Variants in SPOCK1 observed in about 807,000 individuals in gnomAD.
The protein encoded by SPOCK1 is testican-1.
A neutral mutation model predicts 55.3 loss-of-function variants in SPOCK1; 23 were observed. The observed-to-expected ratio is 0.42, with a 90% CI of 0.30 to 0.59. SPOCK1 has a LOEUF of 0.59. SPOCK1 is among the 20% of genes least tolerant of loss of function. SPOCK1 has a pLI of 0.22. For missense variants in SPOCK1, 499 were observed against 552.5 expected, an observed-to-expected ratio of 0.90 and a Z score of 0.97; for synonymous variants, 226 against 221.0, an observed-to-expected ratio of 1.02 and a Z score of -0.20.
At chr5:137,258,437 G>A (rs1756680557) in intron 3 of SPOCK1, among the ~76,000 whole-genome samples, 1 of 152,242 alleles carries the variant, frequency 6.6e-6, no homozygotes, top group Non-Finnish European at 1.5e-5. Flanking sequence ...GGACGCAGGT[G>A]ATGCCTGCAG....
chr5:137,023,698 A>G (rs1303269813), intron 6 of SPOCK1, among the ~76,000 whole-genome samples: 2 of 151,674 alleles, frequency 1.3e-5, no homozygotes, highest in African/African-American at 4.8e-5. Context: ...CATGTTCGAT[A>G]CCCTAATTAT....
intron 2 of SPOCK1, among the ~76,000 whole-genome samples, chr5:137,356,147 T>C (rs1750789050): frequency 6.6e-6 from 1 of 152,214 alleles, no homozygotes; most frequent in Non-Finnish European, 1.5e-5. Flanking sequence ...ACACCTGCTC[T>C]GCCTCATCAG....
intron 3 of SPOCK1, among the ~76,000 whole-genome samples, chr5:137,141,964 T>C (rs1459301896): frequency 3.3e-5 from 5 of 152,340 alleles, no homozygotes; most frequent in Non-Finnish European, 5.9e-5. Context: ...GCGCTCTGCG[T>C]GCTGAGGTGC....
chr5:137,076,746 A>G (rs1005358847), intron 5 of SPOCK1, among the ~76,000 whole-genome samples: 2 of 151,946 alleles, frequency 1.3e-5, no homozygotes, highest in Non-Finnish European at 2.9e-5. Flanking sequence ...TCTGTGTCTT[A>G]TACATTTTTT....
At chr5:137,148,548 T>C (rs6878864) in intron 3 of SPOCK1, among the ~76,000 whole-genome samples, 136,360 of 152,138 alleles carry the variant, frequency 0.9, 61,182 homozygotes, top group African/African-American at 0.93. Context: ...TTTGAAAGTG[T>C]GATGGGAGTG....
chr5:137,297,774 G>A (rs929839240), intron 2 of SPOCK1, among the ~76,000 whole-genome samples: 1 of 152,158 alleles, frequency 6.6e-6, no homozygotes, highest in Admixed American at 6.5e-5. Flanking sequence ...AGATCTAGGA[G>A]GTCAGTGAAT....
rs1380787945 is a variant in SPOCK1, at chr5:137,024,445, C to T, written c.590-31845G>A. On this transcript the variant is annotated intron_variant, in intron 6 of 10. Coordinates refer to ENST00000394945, the MANE Select transcript of SPOCK1 (RefSeq NM_004598.4). ...TTTTCAGAATAAAAGGAGCACCAAC[C>T]TTTGACCTATTGAAATATTTAAAGT... Among the ~76,000 whole-genome samples, 4 of 151,962 alleles carry T rather than the reference C, an allele frequency of 2.6e-5. No individual in the cohort carries two copies. In the East Asian group the frequency reaches 7.7e-4, roughly 29 times the overall value.
intron 6 of SPOCK1, among the ~76,000 whole-genome samples, chr5:137,049,061 G>T (rs1398748997): frequency 1.4e-5 from 2 of 139,698 alleles, no homozygotes; most frequent in East Asian, 4.5e-4. Context: ...TTTCTCTCTG[G>T]CTGCCCTTAA....
intron 2 of SPOCK1, among the ~76,000 whole-genome samples, chr5:137,479,866 C>T (rs964239170): frequency 1.3e-5 from 2 of 152,146 alleles, no homozygotes; most frequent in African/African-American, 2.4e-5. Flanking sequence ...AGAGGTTGAC[C>T]TGGATTCAAA....
At chr5:137,312,035 C>T (rs1757796853) in intron 2 of SPOCK1, among the ~76,000 whole-genome samples, 1 of 152,346 alleles carries the variant, frequency 6.6e-6, no homozygotes, top group Non-Finnish European at 1.5e-5. Context: ...AAATCAGGTA[C>T]CCAGGTATTT....
intron 3 of SPOCK1, among the ~76,000 whole-genome samples, chr5:137,229,305 A>G (rs1756005240): frequency 6.6e-6 from 1 of 152,204 alleles, no homozygotes; most frequent in African/African-American, 2.4e-5. Context: ...AGGAAACTCA[A>G]TGTGAACTAG....
intron 2 of SPOCK1, among the ~76,000 whole-genome samples, chr5:137,448,306 G>A (rs1753173398): frequency 6.6e-6 from 1 of 152,120 alleles, no homozygotes; most frequent in Admixed American, 6.5e-5. Context: ...ATCTCAGTAA[G>A]AACCACACCT....
Position 136,992,618 on chromosome 5 carries a change from G to T in SPOCK1, c.590-18C>A. ...TGTGCAGGCTAGAGAAAAGCAAACA[G>T]AACAGACAATGGGGCTGGGGGCTTT... On this transcript the variant is annotated intron_variant, in intron 6 of 10. Transcript: ENST00000394945. The T allele has an allele frequency of 6.3e-7, 1 of 1,599,644 alleles. No homozygotes were observed. Among genetic ancestry groups the T allele is most frequent in the Non-Finnish European group, 8.5e-7 (1 of 1,170,756 alleles).
At chr5:137,347,809 C>T (rs897664468) in intron 2 of SPOCK1, among the ~76,000 whole-genome samples, 7 of 152,124 alleles carry the variant, frequency 4.6e-5, no homozygotes, top group African/African-American at 1.7e-4. Flanking sequence ...AGCCACGCCT[C>T]CTCTGGCACA....
chr5:137,495,088 G>A (rs974362853), intron 2 of SPOCK1, among the ~76,000 whole-genome samples: 2 of 152,176 alleles, frequency 1.3e-5, no homozygotes, highest in African/African-American at 2.4e-5. Context: ...AAAGAAGAAT[G>A]ACAAAACTAA....
In SPOCK1 at chr5:137,306,821, G is replaced by A. The variant is rs139594082; in HGVS notation, c.187-39766C>T. On this transcript the variant is annotated intron_variant, in intron 2 of 10. Transcript: ENST00000394945. ...ACAACACATAATTTTACTCCTAAGC[G>A]TGTATATATAATTCTGTGGGGATTT... Among the ~76,000 whole-genome samples the A allele has an allele frequency of 4.9e-3, 740 of 151,936 alleles. 4 individuals carry two copies. The highest frequency in any genetic ancestry group is 0.016 in the African/African-American group (668 of 41,404).
At chr5:137,346,234 A>T (rs981330937) in intron 2 of SPOCK1, among the ~76,000 whole-genome samples, 1 of 152,184 alleles carries the variant, frequency 6.6e-6, no homozygotes, top group Non-Finnish European at 1.5e-5. Flanking sequence ...AAGACCGGGA[A>T]GTTGCATTTC....
intron 4 of SPOCK1, among the ~76,000 whole-genome samples, chr5:137,130,654 T>C (rs1009437606): frequency 2.0e-5 from 3 of 152,228 alleles, no homozygotes; most frequent in Admixed American, 6.5e-5. Flanking sequence ...CTCACAGTGA[T>C]GGAAAGTTTG....
At chr5:137,354,690 A>T (rs544140150) in intron 2 of SPOCK1, among the ~76,000 whole-genome samples, 22 of 152,168 alleles carry the variant, frequency 1.4e-4, no homozygotes, top group Non-Finnish European at 3.1e-4. Context: ...GGTGTCAGGT[A>T]CTTTGTTTGT....
Sources: gnomAD v4.1 joint callset for allele counts (sites outside exome capture counted in the v4.1 genomes callset) on GRCh38, gnomAD v4.1.1 for gene constraint, MANE v1.5 for transcripts, NCBI Gene and HGNC (gene_info 2026-07-23, HGNC 2026-07-21) for gene names.